Variants in ACYP2 observed in about 807,000 individuals in gnomAD.
ACYP2 encodes acylphosphatase 2.
A neutral mutation model predicts 11.2 loss-of-function variants in ACYP2; 12 were observed. That is an observed-to-expected ratio of 1.08 (90% CI 0.69 to 1.74). The LOEUF is 1.74. Among genes scored for constraint, ACYP2 ranks in the 40% most tolerant of loss-of-function variants. The pLI is 0.00. For missense variants in ACYP2, 134 were observed against 101.9 expected (o/e 1.31, Z -1.35); for synonymous variants, 43 against 32.2 (o/e 1.33, Z -1.13).
At chr2:54,284,658 G>A (rs1689003132) in intron 6 of ACYP2, among the ~76,000 whole-genome samples, 1 of 151,870 alleles carries the variant, frequency 6.6e-6, no homozygotes, top group African/African-American at 2.4e-5. Flanking sequence ...TTTAAAAGAT[G>A]TCCTCTAGAG....
chr2:54,172,405 T>C (rs367867241), intron 6 of ACYP2, among the ~76,000 whole-genome samples: 10 of 152,170 alleles, frequency 6.6e-5, no homozygotes, highest in Non-Finnish European at 1.2e-4. Flanking sequence ...AACTGAAGTG[T>C]TGGCCTTGGT....
At chr2:54,123,276 G>C in intron 4 of ACYP2, 1 of 398,434 alleles carries the variant, frequency 2.5e-6, no homozygotes, top group Non-Finnish European at 4.4e-6. Flanking sequence ...AGAGAGCTCA[G>C]TCATTTAGTT....
chr2:54,074,117 A>C (rs905772597), intron 4 of ACYP2, among the ~76,000 whole-genome samples: 6 of 152,190 alleles, frequency 3.9e-5, no homozygotes, highest in African/African-American at 1.4e-4. Context: ...AGGTGAGGAA[A>C]TTGCTTAAGG....
chr2:54,114,238 G>C (rs1679614796), intron 4 of ACYP2, among the ~76,000 whole-genome samples: 1 of 152,134 alleles, frequency 6.6e-6, no homozygotes, highest in African/African-American at 2.4e-5. Context: ...TCTAGAAGGT[G>C]GCAGATTATC....
At chr2:54,256,330 G>A in intron 6 of ACYP2, 1 of 650,570 alleles carries the variant, frequency 1.5e-6, no homozygotes, top group South Asian at 2.0e-5. Flanking sequence ...AGTCTGTGGT[G>A]GTGTCTTTAC....
chr2:54,093,934 TGTC>T (rs1259356758), intron 4 of ACYP2, among the ~76,000 whole-genome samples: 1 of 140,632 alleles, frequency 7.1e-6, no homozygotes, highest in Non-Finnish European at 1.5e-5. Context: ...AACGAGACTC[TGTC>T]TCAAAAAACA....
intron 2 of ACYP2, among the ~76,000 whole-genome samples, chr2:54,030,211 C>G (rs2104553528): frequency 6.6e-6 from 1 of 152,304 alleles, no homozygotes; most frequent in South Asian, 2.1e-4. Context: ...GTGATTATTT[C>G]TATCTTATCT....
intron 6 of ACYP2, among the ~76,000 whole-genome samples, chr2:54,259,150 G>A (rs1203824542): frequency 2.0e-5 from 3 of 152,346 alleles, no homozygotes; most frequent in Admixed American, 2.0e-4. Context: ...GTAGGATGGA[G>A]TTACTGGAAG....
intron 4 of ACYP2, among the ~76,000 whole-genome samples, chr2:54,104,694 C>T (rs1679059946): frequency 6.6e-6 from 1 of 152,166 alleles, no homozygotes; most frequent in Admixed American, 6.5e-5. Flanking sequence ...TTATCACAAT[C>T]CCTCAGATCA....
intron 2 of ACYP2, among the ~76,000 whole-genome samples, chr2:54,010,480 G>C (rs992321432): frequency 3.1e-5 from 3 of 95,532 alleles, no homozygotes; most frequent in Non-Finnish European, 5.9e-5. Flanking sequence ...GTTAAACTCT[G>C]TCTCAAAAAA....
intron 2 of ACYP2, among the ~76,000 whole-genome samples, chr2:54,029,133 C>G (rs1674448096): frequency 6.6e-6 from 1 of 151,914 alleles, no homozygotes; most frequent in Admixed American, 6.6e-5. Flanking sequence ...CCACTGTACT[C>G]TAGCCTAGGT....
At chr2:54,194,696 C>A (rs1684383687) in intron 6 of ACYP2, among the ~76,000 whole-genome samples, 1 of 152,024 alleles carries the variant, frequency 6.6e-6, no homozygotes, top group African/African-American at 2.4e-5. Context: ...GTTCTGCAAA[C>A]ACTTTCTGTT....
chr2:54,304,130 AGTAG>A (rs1689827514), intron 6 of ACYP2, among the ~76,000 whole-genome samples: 1 of 152,116 alleles, frequency 6.6e-6, no homozygotes. Flanking sequence ...AATAGATAAA[AGTAG>A]ATGAGCATTT....
At chr2:54,204,461 G>A (rs1004825669) in intron 6 of ACYP2, among the ~76,000 whole-genome samples, 16 of 152,062 alleles carry the variant, frequency 1.1e-4, no homozygotes, top group African/African-American at 3.6e-4. Context: ...AAGATTCTTG[G>A]AATGCAGTCC....
chr2:54,235,067 A>T lies in ACYP2; in HGVS notation c.405-69621A>T, dbSNP rs908877951. On this transcript the variant is annotated intron_variant, in intron 6 of 6. Coordinates refer to ENST00000607452, the MANE Select transcript of ACYP2 (RefSeq NM_001320586.2). Reference sequence around the variant, plus strand: ...TTTTCAAAATACACATTTTCCATAAACTTTTTGAAGACCCCTATTATTTCT... The same window carrying T: ...TTTTCAAAATACACATTTTCCATAATCTTTTTGAAGACCCCTATTATTTCT... 2.6e-5 allele frequency among the ~76,000 whole-genome samples: 4 copies of T among 152,128 alleles called. No individual in the cohort carries two copies. The East Asian group carries it at 7.7e-4, about 29-fold the overall frequency.
intron 6 of ACYP2, among the ~76,000 whole-genome samples, chr2:54,276,065 A>C (rs1328491931): frequency 1.3e-5 from 2 of 152,172 alleles, no homozygotes; most frequent in African/African-American, 4.8e-5. Context: ...AAATTCCTTT[A>C]AAGAGATTAC....
At chr2:54,051,447 AC>A (rs1675862016) in intron 3 of ACYP2, 2 of 704,152 alleles carry the variant, frequency 2.8e-6, no homozygotes, top group South Asian at 1.6e-5. Context: ...TCCCTCCTAA[AC>A]GGGTGACAAA....
chr2:54,265,896 C>G (rs1277644851), intron 6 of ACYP2, among the ~76,000 whole-genome samples: 2 of 152,182 alleles, frequency 1.3e-5, no homozygotes, highest in African/African-American at 4.8e-5. Context: ...AATATTGGCT[C>G]TCATTATTTT....
intron 2 of ACYP2, among the ~76,000 whole-genome samples, chr2:54,033,034 T>C (rs1376822926): frequency 1.3e-5 from 2 of 152,086 alleles, no homozygotes; most frequent in African/African-American, 2.4e-5. Context: ...GTGTTGGGTA[T>C]TTAGGCAGTT....
Sources: allele counts gnomAD v4.1 joint callset (sites outside exome capture counted in the v4.1 genomes callset), GRCh38; gene constraint gnomAD v4.1.1; transcripts MANE v1.5; gene names NCBI Gene and HGNC (gene_info 2026-07-23, HGNC 2026-07-21).